Variants in RBFOX1 observed in about 807,000 individuals in gnomAD.
RBFOX1 encodes RNA binding protein fox-1 homolog 1.
A neutral mutation model predicts 57.7 loss-of-function variants in RBFOX1; 8 were observed. The ratio of observed to expected loss-of-function variants is 0.14; its 90% CI spans 0.08 to 0.25. The LOEUF is 0.25. Among genes scored for constraint, RBFOX1 ranks in the 10% least tolerant of loss-of-function variants. The probability of loss-of-function intolerance (pLI) is 1.00; values close to 1 mark genes in which losing one functional copy is unlikely to be tolerated. For synonymous variants in RBFOX1, 326 were observed against 222.4 expected (o/e 1.47, Z -4.15); for missense variants, 611 against 548.5 (o/e 1.11, Z -1.14).
rs1439271459 is a variant in RBFOX1, at chr16:7,494,040, T to C, written c.28-24107T>C. Among the ~76,000 whole-genome samples the C allele has an allele frequency of 2.0e-5, 3 of 152,324 alleles. No homozygotes were observed. In the East Asian group the frequency reaches 5.8e-4, roughly 29 times the overall value. Reference sequence around the variant, plus strand: ...TGAGATTTTCTTATTGGCTTGTGAATGATTTCTTCTCCGAGAGTGGTTATG... The same window carrying C: ...TGAGATTTTCTTATTGGCTTGTGAACGATTTCTTCTCCGAGAGTGGTTATG... On this transcript the variant is annotated intron_variant, in intron 4 of 15. Coordinates refer to ENST00000550418, the MANE Select transcript of RBFOX1 (RefSeq NM_018723.4).
chr16:6,886,782 A>C lies in RBFOX1; in HGVS notation c.-15-165275A>C, dbSNP rs925612298. On this transcript the variant is annotated intron_variant, in intron 3 of 15. Coordinates refer to ENST00000550418, the MANE Select transcript of RBFOX1 (RefSeq NM_018723.4). ...AAAAACAAAAACAAAACAAAACAAA[A>C]CAAAAAAAAAACCAGAAAAAAAAAG... Among the ~76,000 whole-genome samples, 13 of 144,378 alleles carry C rather than the reference A, an allele frequency of 9.0e-5. No homozygotes were observed. The South Asian group carries it at 2.6e-3, about 29-fold the overall frequency. The allele number at this position is 144,378 out of a possible 152,430, so 94.7% of individuals were successfully genotyped here. A position where few individuals can be genotyped will look rare whatever the true frequency, so the allele number is the denominator to read the frequency against.
At position 7,164,388 on chromosome 16, in the gene RBFOX1, C is replaced by G. The variant is rs577700274; in HGVS notation, c.27+112290C>G. On this transcript the variant is annotated intron_variant, in intron 4 of 15. Coordinates refer to ENST00000550418, the MANE Select transcript of RBFOX1 (RefSeq NM_018723.4). ...GGCTAATGGGCATTTGGGCTGGTTCCATATTTTTGCAATTACAAATAGTGC... is the reference window on the plus strand; with the variant it reads ...GGCTAATGGGCATTTGGGCTGGTTCGATATTTTTGCAATTACAAATAGTGC... Among the ~76,000 whole-genome samples the G allele has an allele frequency of 7.7e-4, 117 of 152,232 alleles. 1 individual carries two copies. The highest frequency in any genetic ancestry group is 2.6e-3 in the African/African-American group (108 of 41,550).
At chr16:6,087,192 C>A (rs1388579814) in intron 1 of RBFOX1, among the ~76,000 whole-genome samples, 1 of 152,144 alleles carries the variant, frequency 6.6e-6, no homozygotes, top group East Asian at 1.9e-4. Flanking sequence ...CGTTAGAACG[C>A]CTGCCAGGTG....
intron 4 of RBFOX1, among the ~76,000 whole-genome samples, chr16:5,962,374 C>CT (rs1341867580): frequency 1.3e-5 from 2 of 152,184 alleles, no homozygotes; most frequent in Non-Finnish European, 2.9e-5. Flanking sequence ...ATCCCAGTCC[C>CT]TAGATATGAA....
At chr16:6,560,003 C>T (rs891945577) in intron 2 of RBFOX1, among the ~76,000 whole-genome samples, 4 of 152,058 alleles carry the variant, frequency 2.6e-5, no homozygotes, top group Non-Finnish European at 5.9e-5. Context: ...TCTTCAAGCC[C>T]ATTGAGTTCC....
intron 4 of RBFOX1, among the ~76,000 whole-genome samples, chr16:7,456,591 G>A (rs2058557479): frequency 6.6e-6 from 1 of 152,202 alleles, no homozygotes; most frequent in African/African-American, 2.4e-5. Flanking sequence ...TTGATTTTAA[G>A]AGTTGCAGGC....
chr16:6,045,355 C>A (rs947154696), intron 1 of RBFOX1, among the ~76,000 whole-genome samples: 1 of 152,014 alleles, frequency 6.6e-6, no homozygotes, highest in South Asian at 2.1e-4. Context: ...ATCATGACTC[C>A]GAGAGTTGAG....
chr16:7,327,328 A>G (rs2096623955), intron 4 of RBFOX1, among the ~76,000 whole-genome samples: 1 of 152,260 alleles, frequency 6.6e-6, no homozygotes, highest in Admixed American at 6.5e-5. Flanking sequence ...GATCTGTAGA[A>G]AAACGGAAAA....
chr16:6,016,331 A>T (rs2094993555), upstream of RBFOX1, among the ~76,000 whole-genome samples: 1 of 152,162 alleles, frequency 6.6e-6, no homozygotes, highest in Non-Finnish European at 1.5e-5. Flanking sequence ...TAAAAACTAA[A>T]CAGAAGCTAT....
chr16:7,067,593 G>A (rs1224625628), intron 4 of RBFOX1, among the ~76,000 whole-genome samples: 1 of 151,702 alleles, frequency 6.6e-6, no homozygotes, highest in Non-Finnish European at 1.5e-5. Context: ...GTTTAGGTTA[G>A]TTACGTATGT....
intron 2 of RBFOX1, among the ~76,000 whole-genome samples, chr16:6,478,411 ATATATATATATATATATATTTTTT>A (rs1567368415): frequency 3.4e-5 from 1 of 29,458 alleles, no homozygotes; most frequent in South Asian, 9.9e-4. Flanking sequence ...ATATATATAT[ATATATATATATATATATATTTTTT>A]TTTTTTTTTT....
intron 4 of RBFOX1, among the ~76,000 whole-genome samples, chr16:7,501,591 C>T (rs754831671): frequency 2.6e-5 from 4 of 152,166 alleles, no homozygotes; most frequent in Non-Finnish European, 5.9e-5. Flanking sequence ...TGAAAATGTC[C>T]TCATTGCTTT....
At chr16:7,468,936 G>A (rs2061033463) in intron 4 of RBFOX1, among the ~76,000 whole-genome samples, 1 of 151,908 alleles carries the variant, frequency 6.6e-6, no homozygotes, top group Non-Finnish European at 1.5e-5. Context: ...GCAAGGCTGA[G>A]TAATTTTTTT....
intron 4 of RBFOX1, among the ~76,000 whole-genome samples, chr16:7,503,529 T>G (rs1183799123): frequency 6.6e-6 from 1 of 152,208 alleles, no homozygotes; most frequent in Admixed American, 6.5e-5. Flanking sequence ...TTAAATGTAG[T>G]AGTATTAGCA....
intron 1 of RBFOX1, among the ~76,000 whole-genome samples, chr16:6,125,810 T>C (rs2096585420): frequency 6.6e-6 from 1 of 152,202 alleles, no homozygotes; most frequent in African/African-American, 2.4e-5. Context: ...GTTGGTAGGC[T>C]ATTTTCCTCC....
chr16:6,755,052 G>C, intron 3 of RBFOX1, among the ~76,000 whole-genome samples: 1 of 152,136 alleles, frequency 6.6e-6, no homozygotes, highest in East Asian at 1.9e-4. Flanking sequence ...TTTTATGGCT[G>C]CATAGTATTC....
chr16:6,385,426 C>A (rs532628299), intron 2 of RBFOX1, among the ~76,000 whole-genome samples: 2 of 152,340 alleles, frequency 1.3e-5, no homozygotes, highest in East Asian at 3.9e-4. Context: ...GTGCCGCCAT[C>A]TTGGCTCACT....
At chr16:6,546,428 G>T (rs1440397958) in intron 2 of RBFOX1, among the ~76,000 whole-genome samples, 1 of 152,194 alleles carries the variant, frequency 6.6e-6, no homozygotes, top group Admixed American at 6.5e-5. Flanking sequence ...TGTCAGCTGG[G>T]TCATGCTCCC....
intron 3 of RBFOX1, among the ~76,000 whole-genome samples, chr16:5,730,940 C>T (rs115012242): frequency 0.013 from 1,948 of 148,824 alleles, 56 homozygotes; most frequent in African/African-American, 0.044. Flanking sequence ...GTGTCACCAT[C>T]ATCACTATCA....
Sources: allele counts gnomAD v4.1 joint callset (sites outside exome capture counted in the v4.1 genomes callset), GRCh38; gene constraint gnomAD v4.1.1; transcripts MANE v1.5; gene names NCBI Gene and HGNC (gene_info 2026-07-23, HGNC 2026-07-21).